The following KIF1B variants were observed in gnomAD, a reference collection of about 807,000 sequenced individuals.
KIF1B encodes kinesin family member 1B.
A neutral mutation model predicts 241.9 loss-of-function variants in KIF1B; 76 were observed. That is an observed-to-expected ratio of 0.31 (90% CI 0.26 to 0.38). KIF1B has a LOEUF of 0.38. Among genes scored for constraint, KIF1B ranks in the 10% least tolerant of loss-of-function variants. The probability of loss-of-function intolerance (pLI) is 1.00; values close to 1 mark genes in which losing one functional copy is unlikely to be tolerated. For missense variants in KIF1B, 1,622 were observed against 2,271.4 expected, an observed-to-expected ratio of 0.71 and a Z score of 5.81; for synonymous variants, 750 against 796.7, an observed-to-expected ratio of 0.94 and a Z score of 0.99.
chr1:10,283,564 G>C (rs1171396198), intron 15 of KIF1B, among the ~76,000 whole-genome samples: 2 of 152,240 alleles, frequency 1.3e-5, no homozygotes, highest in East Asian at 3.8e-4. Flanking sequence ...AATTAATTCA[G>C]TGCACAGACA....
At chr1:10,305,151 C>T (rs1650763715) in intron 22 of KIF1B, 1 of 1,049,044 alleles carries the variant, frequency 9.5e-7, no homozygotes. Flanking sequence ...ACGTCTGTTC[C>T]CTTCTTTAAA....
Position 10,363,304 on chromosome 1 carries a change from C to T in KIF1B, c.4326C>T (p.Tyr1442=), listed in dbSNP as rs745549781. The stretch of plus-strand genomic sequence containing the variant: ...ATAGGAATCGAGTCACTGGCATTTA[C>T]GAACTCAGCTTATGCAAAATGTCAG... ...SPDSNRVTGI[Y]ELSLCKMSDT... The change falls in exon 41 of 49, where the codon TAC becomes TAT. Residue 1442 remains tyrosine, a synonymous_variant. Coordinates refer to ENST00000676179, the MANE Select transcript of KIF1B (RefSeq NM_001365951.3). The T allele has an allele frequency of 2.5e-5, 40 of 1,613,176 alleles. No homozygotes were observed. Among genetic ancestry groups the T allele is most frequent in the African/African-American group, 5.3e-5 (4 of 74,876 alleles).
chr1:10,292,907 GACC>G (rs1650073561), intron 17 of KIF1B, among the ~76,000 whole-genome samples: 1 of 152,100 alleles, frequency 6.6e-6, no homozygotes, highest in Admixed American at 6.6e-5. Context: ...TATTTCAAGT[GACC>G]TCACATTGGC....
chr1:10,269,693 C>T (rs753017368), intron 7 of KIF1B, among the ~76,000 whole-genome samples: 32 of 151,968 alleles, frequency 2.1e-4, no homozygotes, highest in African/African-American at 7.2e-4. Flanking sequence ...TGGTGTGTGC[C>T]GGTAATCCTA....
At chr1:10,329,690 G>A (rs547075813) in intron 27 of KIF1B, among the ~76,000 whole-genome samples, 31 of 152,190 alleles carry the variant, frequency 2.0e-4, no homozygotes, top group Admixed American at 2.6e-4. Flanking sequence ...CCGAGATCGC[G>A]CCACTGCACT....
chr1:10,239,639 G>C (rs575646778), intron 2 of KIF1B, among the ~76,000 whole-genome samples: 139 of 152,008 alleles, frequency 9.1e-4, no homozygotes, highest in African/African-American at 3.1e-3. Flanking sequence ...ACGGAGTCTT[G>C]CTCTGTAGCC....
chr1:10,356,760 C>T (rs576684189), intron 38 of KIF1B, among the ~76,000 whole-genome samples: 8 of 151,968 alleles, frequency 5.3e-5, no homozygotes, highest in Admixed American at 3.3e-4. Context: ...ATTAGCTGGG[C>T]GTGGTAGCAT....
chr1:10,331,478 T>G (rs12734551), intron 27 of KIF1B, among the ~76,000 whole-genome samples: 37,501 of 152,194 alleles, frequency 0.25, 5,232 homozygotes, highest in Admixed American at 0.31. Context: ...TTCATCTGAT[T>G]TAATGTTCAT....
chr1:10,375,075 T>C (rs1553171253), intron 47 of KIF1B, 29 bp downstream of exon 47: 5 of 1,606,374 alleles, frequency 3.1e-6, no homozygotes, highest in African/African-American at 1.3e-5. Context: ...TGGTTTCTTA[T>C]TGCCACGTGT....
chr1:10,371,129 G>A lies in KIF1B; in HGVS notation c.4825-12G>A. Reference sequence around the variant, plus strand: ...AGCTGAATGTAACTTGTAGTGTTCGGTTTGCTTCCAGTTGTCTGATATCTC... The same window carrying A: ...AGCTGAATGTAACTTGTAGTGTTCGATTTGCTTCCAGTTGTCTGATATCTC... On this transcript the variant is annotated splice_polypyrimidine_tract_variant and intron_variant, in intron 44 of 48. Coordinates refer to ENST00000676179, the MANE Select transcript of KIF1B (RefSeq NM_001365951.3). 1 of 1,614,108 alleles carries A rather than the reference G, an allele frequency of 6.2e-7. No individual in the cohort carries two copies. Among genetic ancestry groups the A allele is most frequent in the Non-Finnish European group, 8.5e-7 (1 of 1,180,026 alleles).
intron 43 of KIF1B, among the ~76,000 whole-genome samples, chr1:10,367,385 C>T (rs1019308430): frequency 1.3e-5 from 2 of 151,776 alleles, no homozygotes; most frequent in African/African-American, 4.8e-5. Flanking sequence ...TGTGTGGACG[C>T]CCAGCCAGAT....
At chr1:10,257,507 A>G (rs74889870) in intron 3 of KIF1B, among the ~76,000 whole-genome samples, 2,326 of 151,532 alleles carry the variant, frequency 0.015, 60 homozygotes, top group African/African-American at 0.052. Flanking sequence ...CTGCAGATCC[A>G]CAAGGGAAAC....
chr1:10,321,410 AT>A (rs924335259), intron 23 of KIF1B, among the ~76,000 whole-genome samples: 3 of 151,080 alleles, frequency 2.0e-5, no homozygotes, highest in African/African-American at 4.9e-5. Context: ...AGCCAGGAGT[AT>A]TTTTTTTTAT....
chr1:10,265,214 T>C (rs982718213), intron 5 of KIF1B, among the ~76,000 whole-genome samples: 8 of 85,218 alleles, frequency 9.4e-5, no homozygotes, highest in Non-Finnish European at 2.4e-4. Flanking sequence ...ATTTATTTAT[T>C]TATTTATTTA....
Position 10,324,838 on chromosome 1 carries a change from C to T in KIF1B, c.2618C>T (p.Thr873Ile), listed in dbSNP as rs121908162. ...AGTGCCCAAGACGAAAGCGAAACCA[C>T]TGTGACTGGCAGCGATCCCTTCTAT... is the stretch of plus-strand genomic sequence containing the variant. ...ASSAQDESET[T>I]VTGSDPFYDR... Residue 873 changes from threonine to isoleucine, a missense_variant, in exon 26 of 49, where the codon ACT becomes ATT. By Grantham distance (89) the Thr-to-Ile change is moderately conservative. This residue lies in a region of KIF1B where 803 missense variants were observed against 1,112.0 expected (regional missense o/e 0.72). Transcript: ENST00000676179. 4.8e-4 allele frequency: 771 copies of T among 1,614,138 alleles called. 3 individuals are homozygous for T. Among genetic ancestry groups the T allele is most frequent in the Middle Eastern group, 3.5e-3 (21 of 6,062 alleles).
At chr1:10,244,890 G>A (rs1266992927) in intron 2 of KIF1B, among the ~76,000 whole-genome samples, 1 of 152,158 alleles carries the variant, frequency 6.6e-6, no homozygotes, top group Non-Finnish European at 1.5e-5. Context: ...GGGATTACAG[G>A]CATGAGCCAC....
intron 2 of KIF1B, among the ~76,000 whole-genome samples, chr1:10,252,774 C>T (rs1229890007): frequency 1.3e-5 from 2 of 151,832 alleles, no homozygotes; most frequent in Non-Finnish European, 2.9e-5. Flanking sequence ...GGCTGGAGTA[C>T]AGTGGTGTGA....
Position 10,316,872 on chromosome 1 carries a change from A to G in KIF1B, c.2116-3171A>G, listed in dbSNP as rs142896080. On this transcript the variant is annotated intron_variant, in intron 22 of 48. Coordinates refer to ENST00000676179, the MANE Select transcript of KIF1B (RefSeq NM_001365951.3). ...GGGGTTGCAATATGGTGATTTTCCA[A>G]TTGCCATTTCTTCTGCATTTATTAG... is the stretch of plus-strand genomic sequence containing the variant. Among the ~76,000 whole-genome samples the G allele has an allele frequency of 1.2e-4, 18 of 151,208 alleles. 1 individual carries two copies. Among genetic ancestry groups the G allele is most frequent in the African/African-American group, 3.9e-4 (16 of 40,772 alleles).
intron 22 of KIF1B, chr1:10,306,864 G>T (rs1226662097): frequency 9.6e-7 from 1 of 1,044,410 alleles, no homozygotes; most frequent in African/African-American, 1.7e-5. Context: ...GATAACATAG[G>T]GTAGGTCCAT....
Sources: gnomAD v4.1 joint callset for allele counts (sites outside exome capture counted in the v4.1 genomes callset) on GRCh38, gnomAD v4.1.1 for gene constraint, gnomAD v4.1.1 regional missense constraint, MANE v1.5 for transcripts, NCBI Gene and HGNC (gene_info 2026-07-23, HGNC 2026-07-21) for gene names.